Variants in GRIN2A observed in about 807,000 individuals in gnomAD.
GRIN2A encodes the protein glutamate ionotropic receptor NMDA type subunit 2A.
In GRIN2A, 22 loss-of-function variants were observed where a neutral mutation model predicts 113.4. That is an observed-to-expected ratio of 0.19 (90% CI 0.14 to 0.28). The LOEUF is 0.28. Ranked by LOEUF, GRIN2A falls within the 10% of genes least tolerant of loss-of-function variation. GRIN2A has a pLI of 1.00. For missense variants in GRIN2A, 1,502 were observed against 1,887.0 expected (o/e 0.80, Z 3.78); for synonymous variants, 827 against 738.4 (o/e 1.12, Z -1.94).
At chr16:10,146,001 A>AC in intron 2 of GRIN2A, among the ~76,000 whole-genome samples, 1 of 152,348 alleles carries the variant, frequency 6.6e-6, no homozygotes, top group African/African-American at 2.4e-5. Flanking sequence ...ATAAATTCTT[A>AC]TGAATTCAGT....
At chr16:9,816,358 G>C (rs1257342365) in intron 10 of GRIN2A, among the ~76,000 whole-genome samples, 1 of 152,108 alleles carries the variant, frequency 6.6e-6, no homozygotes, top group East Asian at 1.9e-4. Context: ...GAAACCAACA[G>C]AGACCTGTTT....
At chr16:9,971,821 A>T (rs746980686) in intron 2 of GRIN2A, among the ~76,000 whole-genome samples, 2 of 152,208 alleles carry the variant, frequency 1.3e-5, no homozygotes, top group Non-Finnish European at 1.5e-5. Flanking sequence ...AAGGAAAAAA[A>T]AAATATACCT....
At chr16:10,018,262 C>T (rs2046646510) in intron 2 of GRIN2A, among the ~76,000 whole-genome samples, 1 of 152,096 alleles carries the variant, frequency 6.6e-6, no homozygotes, top group African/African-American at 2.4e-5. Context: ...TGAAAAAGGA[C>T]CCTAAGATGA....
At position 9,759,813 on chromosome 16, in the gene GRIN2A, A is replaced by T. The variant is rs1203397208; in HGVS notation, c.*3336T>A. 4.4e-6 allele frequency: 1 copy of T among 229,298 alleles called. No homozygotes were observed. Among genetic ancestry groups the T allele is most frequent in the Middle Eastern group, 1.3e-3 (1 of 786 alleles). 14.2% of individuals were successfully genotyped at this position (229,298 alleles called of 1,614,324 possible). A position where few individuals can be genotyped will look rare whatever the true frequency, so the allele number is the denominator to read the frequency against. On this transcript the variant is annotated 3_prime_UTR_variant, in exon 13 of 13. Transcript: ENST00000330684. Reference sequence around the variant, plus strand: ...CTATAGGGACTTGCCAGCTCAGAGCATTGAAACCATAAGTGGCCTAAGAAC... The same window carrying T: ...CTATAGGGACTTGCCAGCTCAGAGCTTTGAAACCATAAGTGGCCTAAGAAC...
intron 2 of GRIN2A, chr16:10,171,656 A>C (rs2050045082): frequency 6.6e-6 from 1 of 152,258 alleles, no homozygotes; most frequent in Admixed American, 6.5e-5. Flanking sequence ...ACCCTCATGT[A>C]ACCACATCAT....
chr16:10,147,132 C>T (rs963338853), intron 2 of GRIN2A, among the ~76,000 whole-genome samples: 11 of 151,994 alleles, frequency 7.2e-5, no homozygotes, highest in African/African-American at 2.7e-4. Flanking sequence ...TTATGGCACC[C>T]CCTGTGTATG....
intron 3 of GRIN2A, 82 bp downstream of exon 3, chr16:9,937,877 C>T: frequency 1.0e-6 from 1 of 983,038 alleles, no homozygotes; most frequent in Non-Finnish European, 1.6e-6. Flanking sequence ...TGCGTATTTC[C>T]AACAATGAGT....
intron 4 of GRIN2A, among the ~76,000 whole-genome samples, chr16:9,852,925 T>A (rs909516893): frequency 3.3e-5 from 5 of 152,156 alleles, no homozygotes. Context: ...GTAATGGAAG[T>A]GATAAAATGT....
At chr16:10,032,746 A>G (rs572787338) in intron 2 of GRIN2A, among the ~76,000 whole-genome samples, 1 of 152,292 alleles carries the variant, frequency 6.6e-6, no homozygotes, top group South Asian at 2.1e-4. Flanking sequence ...ACAGTGGTGG[A>G]ACACACACCA....
At chr16:10,057,317 AAC>A (rs2047473452) in intron 2 of GRIN2A, among the ~76,000 whole-genome samples, 1 of 152,162 alleles carries the variant, frequency 6.6e-6, no homozygotes, top group African/African-American at 2.4e-5. Flanking sequence ...ATGCAAACTG[AAC>A]TTCAAGGTAA....
chr16:10,133,329 C>G (rs1228625222), intron 2 of GRIN2A, among the ~76,000 whole-genome samples: 1 of 152,166 alleles, frequency 6.6e-6, no homozygotes. Context: ...CTCATCAGAC[C>G]AGGCACAGTG....
At chr16:10,019,503 G>A (rs2046676289) in intron 2 of GRIN2A, among the ~76,000 whole-genome samples, 1 of 152,164 alleles carries the variant, frequency 6.6e-6, no homozygotes, top group Non-Finnish European at 1.5e-5. Context: ...AGAAATTTGT[G>A]GACCCATTTT....
intron 2 of GRIN2A, among the ~76,000 whole-genome samples, chr16:10,048,079 G>C (rs1428031979): frequency 1.3e-5 from 2 of 152,140 alleles, no homozygotes; most frequent in African/African-American, 4.8e-5. Flanking sequence ...ATGATTAAGA[G>C]TTCAGACTCA....
intron 4 of GRIN2A, among the ~76,000 whole-genome samples, chr16:9,886,477 A>G (rs1013212100): frequency 2.0e-5 from 3 of 152,182 alleles, no homozygotes; most frequent in African/African-American, 7.2e-5. Context: ...GGTGTATAAG[A>G]GGGAAGAAAG....
At chr16:10,167,111 C>G (rs1292395430) in intron 2 of GRIN2A, among the ~76,000 whole-genome samples, 2 of 82,684 alleles carry the variant, frequency 2.4e-5, no homozygotes, top group African/African-American at 8.8e-5. Flanking sequence ...CTGCATTATT[C>G]AAGGATCAAC....
At chr16:9,996,993 G>A (rs1158533122) in intron 2 of GRIN2A, among the ~76,000 whole-genome samples, 1 of 152,072 alleles carries the variant, frequency 6.6e-6, no homozygotes, top group Non-Finnish European at 1.5e-5. Context: ...CACAACTTAA[G>A]TCATGCTCTT....
At chr16:9,991,955 G>T (rs1299375452) in intron 2 of GRIN2A, among the ~76,000 whole-genome samples, 1 of 152,040 alleles carries the variant, frequency 6.6e-6, no homozygotes, top group Non-Finnish European at 1.5e-5. Flanking sequence ...ATGCATGCGG[G>T]GCTTAAAACC....
intron 4 of GRIN2A, among the ~76,000 whole-genome samples, chr16:9,877,319 A>G (rs1488872583): frequency 6.6e-6 from 1 of 152,202 alleles, no homozygotes; most frequent in East Asian, 1.9e-4. Context: ...CAACTACTAC[A>G]GTCAATCTCC....
chr16:10,137,705 A>G (rs2049228376), intron 2 of GRIN2A, among the ~76,000 whole-genome samples: 1 of 152,176 alleles, frequency 6.6e-6, no homozygotes, highest in Non-Finnish European at 1.5e-5. Flanking sequence ...TCTGTGTGAG[A>G]CACTATAGTT....
Sources: allele counts gnomAD v4.1 joint callset (sites outside exome capture counted in the v4.1 genomes callset), GRCh38; gene constraint gnomAD v4.1.1; transcripts MANE v1.5; gene names NCBI Gene and HGNC (gene_info 2026-07-23, HGNC 2026-07-21).